Variants in FBXL2 observed in about 807,000 individuals in gnomAD.
The protein encoded by FBXL2 is F-box/LRR-repeat protein 2.
A neutral mutation model predicts 69.2 loss-of-function variants in FBXL2; 38 were observed. The observed-to-expected ratio is 0.55, with a 90% CI of 0.42 to 0.72. The LOEUF is 0.72. Among genes scored for constraint, FBXL2 ranks in the 30% least tolerant of loss-of-function variants. The pLI is 0.00. For synonymous variants in FBXL2, 192 were observed against 201.3 expected (o/e 0.95, Z 0.39); for missense variants, 354 against 520.3 (o/e 0.68, Z 3.11).
intron 12 of FBXL2, chr3:33,396,986 T>C (rs2044024556): frequency 1.3e-6 from 2 of 1,502,102 alleles, no homozygotes; most frequent in Non-Finnish European, 1.8e-6. Flanking sequence ...TCTGCCCAAA[T>C]TCCCCACGCG....
At chr3:33,395,863 A>G (rs1378037950) in intron 12 of FBXL2, among the ~76,000 whole-genome samples, 2 of 151,286 alleles carry the variant, frequency 1.3e-5, no homozygotes, top group East Asian at 3.9e-4. Flanking sequence ...AAAAAAAAAA[A>G]GCCAGAACTC....
At chr3:33,345,036 A>C (rs1267746429) in intron 2 of FBXL2, among the ~76,000 whole-genome samples, 1 of 152,234 alleles carries the variant, frequency 6.6e-6, no homozygotes, top group East Asian at 1.9e-4. Flanking sequence ...TGAAAGTCTT[A>C]TGTTAACTTT....
At chr3:33,392,383 C>CTCCT, downstream of FBXL2, 2 of 548,772 alleles carry the variant, frequency 3.6e-6, no homozygotes, top group Non-Finnish European at 6.1e-6. Context: ...GAAAGACTGA[C>CTCCT]TCCTCTTCCT....
intron 2 of FBXL2, among the ~76,000 whole-genome samples, chr3:33,333,172 CACA>C (rs1253096596): frequency 1.1e-4 from 17 of 151,962 alleles, no homozygotes; most frequent in African/African-American, 4.1e-4. Context: ...AATGTGGTTA[CACA>C]ACATTCTGAA....
chr3:33,402,701 GTACAA>G (rs1020712027), intron 12 of FBXL2: 1 of 837,684 alleles, frequency 1.2e-6, no homozygotes, highest in African/African-American at 1.8e-5. Flanking sequence ...TTTCCTTTAG[GTACAA>G]TACAAACAAA....
chr3:33,317,567 T>G, intron 2 of FBXL2: 1 of 455,572 alleles, frequency 2.2e-6, no homozygotes, highest in Admixed American at 2.4e-5. Context: ...AATGATGAGA[T>G]TCTGCTAAAC....
At chr3:33,298,269 C>T (rs1054535885) in intron 2 of FBXL2, among the ~76,000 whole-genome samples, 4 of 152,268 alleles carry the variant, frequency 2.6e-5, no homozygotes, top group African/African-American at 9.6e-5. Context: ...ACTGAATATA[C>T]AGTAAATGTT....
At chr3:33,287,675 A>G (rs2034789323) in intron 1 of FBXL2, among the ~76,000 whole-genome samples, 2 of 152,234 alleles carry the variant, frequency 1.3e-5, no homozygotes, top group South Asian at 2.1e-4. Flanking sequence ...ATAGGGCTAA[A>G]TTGAGTAGGC....
intron 2 of FBXL2, among the ~76,000 whole-genome samples, chr3:33,336,041 A>G (rs2125840460): frequency 6.6e-6 from 1 of 152,328 alleles, no homozygotes; most frequent in South Asian, 2.1e-4. Flanking sequence ...CAGATTCGAA[A>G]CAATTTTAAT....
chr3:33,282,169 T>A (rs1483362657), intron 1 of FBXL2, among the ~76,000 whole-genome samples: 1 of 152,250 alleles, frequency 6.6e-6, no homozygotes, highest in Non-Finnish European at 1.5e-5. Flanking sequence ...CTAGGGTTTT[T>A]ATGGTTTTAG....
chr3:33,318,231 A>G (rs771281475), intron 2 of FBXL2, among the ~76,000 whole-genome samples: 7 of 152,172 alleles, frequency 4.6e-5, no homozygotes, highest in Non-Finnish European at 7.3e-5. Context: ...GATCTTTGCT[A>G]CAGGTCTTGG....
At position 33,396,246 on chromosome 3, in the gene FBXL2, G is replaced by A. The variant is rs201743372; in HGVS notation, n.1215-6988G>A. The A allele has an allele frequency of 1.1e-4, 180 of 1,588,448 alleles. No individual in the cohort carries two copies. Among genetic ancestry groups the A allele is most frequent in the Non-Finnish European group, 1.5e-4 (169 of 1,159,664 alleles). Reference sequence around the variant, plus strand: ...AGCACTGTGCTGCTTGGCTGCTCCCGGCAGACATAGATGGTTAAACGGGGT... The same window carrying A: ...AGCACTGTGCTGCTTGGCTGCTCCCAGCAGACATAGATGGTTAAACGGGGT... On this transcript the variant is annotated intron_variant and non_coding_transcript_variant, in intron 12 of 12. Transcript: ENST00000463736.
intron 9 of FBXL2, among the ~76,000 whole-genome samples, chr3:33,374,988 T>A (rs1302662014): frequency 1.3e-5 from 2 of 152,190 alleles, no homozygotes; most frequent in African/African-American, 4.8e-5. Flanking sequence ...AAATCTATAT[T>A]TTGATGACTA....
At chr3:33,375,522 G>A in intron 10 of FBXL2, 104 bp downstream of exon 10, 1 of 1,352,766 alleles carries the variant, frequency 7.4e-7, no homozygotes, top group South Asian at 1.3e-5. Flanking sequence ...GGTGGTGGAG[G>A]CAGTAGTTAT....
intron 5 of FBXL2, chr3:33,372,716 C>T: frequency 3.1e-6 from 1 of 327,864 alleles, no homozygotes; most frequent in Non-Finnish European, 5.7e-6. Context: ...GAAGATTTGC[C>T]CCCTTGGTTC....
At chr3:33,310,100 G>T (rs2037058342) in intron 2 of FBXL2, among the ~76,000 whole-genome samples, 1 of 151,952 alleles carries the variant, frequency 6.6e-6, no homozygotes, top group African/African-American at 2.4e-5. Context: ...TAAACATTGT[G>T]TATCACTTAA....
chr3:33,388,260 TAC>T (rs986587111), downstream of FBXL2: 1 of 152,428 alleles, frequency 6.6e-6, no homozygotes, highest in African/African-American at 2.4e-5. Context: ...TGGCTCAGAA[TAC>T]ACACAGGGAA....
chr3:33,284,315 G>T (rs1167364138), intron 1 of FBXL2, among the ~76,000 whole-genome samples: 1 of 152,182 alleles, frequency 6.6e-6, no homozygotes, highest in Non-Finnish European at 1.5e-5. Flanking sequence ...ATACCCAGTA[G>T]TCATTCAGGA....
Position 33,361,052 on chromosome 3 carries a change from C to G in FBXL2, c.195+1695C>G, listed in dbSNP as rs6786497. 1.9e-3 allele frequency among the ~76,000 whole-genome samples: 286 copies of G among 149,890 alleles called. 1 individual carries two copies. Among genetic ancestry groups the G allele is most frequent in the African/African-American group, 6.8e-3 (276 of 40,868 alleles). Reference sequence around the variant, plus strand: ...GTTCATGCGATTCTCCTGCCTCAGCCTCCCATGTAGCTGGGACTACAGGCG... The same window carrying G: ...GTTCATGCGATTCTCCTGCCTCAGCGTCCCATGTAGCTGGGACTACAGGCG... On this transcript the variant is annotated intron_variant, in intron 4 of 14. Coordinates refer to ENST00000484457, the MANE Select transcript of FBXL2 (RefSeq NM_012157.5).
Sources: allele counts gnomAD v4.1 joint callset (sites outside exome capture counted in the v4.1 genomes callset), GRCh38; gene constraint gnomAD v4.1.1; transcripts MANE v1.5; gene names NCBI Gene and HGNC (gene_info 2026-07-23, HGNC 2026-07-21).